EPG5: variants seen among roughly 807,000 people sequenced by gnomAD.
The protein encoded by EPG5 is ectopic P-granules 5 autophagy tethering factor.
A neutral mutation model predicts 302.7 loss-of-function variants in EPG5; 159 were observed. The observed-to-expected ratio is 0.53, with a 90% CI of 0.46 to 0.60. EPG5 has a LOEUF of 0.60. Ranked by LOEUF, EPG5 falls within the 20% of genes least tolerant of loss-of-function variation. EPG5 has a pLI of 0.00. For synonymous variants in EPG5, 1,158 were observed against 1,136.8 expected (o/e 1.02, Z -0.37); for missense variants, 2,896 against 3,092.4 (o/e 0.94, Z 1.51).
rs565743896 is a variant in EPG5 at position 45,954,816 on chromosome 18, C to T, written c.586G>A (p.Gly196Ser). 1.5e-4 allele frequency: 245 copies of T among 1,614,184 alleles called. 3 individuals carry two copies. In the South Asian group the frequency reaches 2.6e-3, roughly 17 times the overall value. Residue 196 changes from glycine to serine, a missense_variant, in exon 2 of 44, where the codon GGC becomes AGC. Transcript: ENST00000282041. ...TTGGCTGGGCAAGAACTCTGCAAGC[C>T]AACATTCTGTGGCACCTCTGAAGAA... ...VCSSEVPQNV[G>S]LQSSCPAKHG...
At chr18:45,827,717 G>A in the EPG5 span, among the ~76,000 whole-genome samples, 4 of 152,330 alleles carry the variant, frequency 2.6e-5, no homozygotes, top group African/African-American at 9.6e-5. Context: ...GTGGCCGCAC[G>A]ATAAATAATG....
At chr18:45,958,759 A>G (rs1264522234) in intron 1 of EPG5, among the ~76,000 whole-genome samples, 1 of 152,264 alleles carries the variant, frequency 6.6e-6, no homozygotes, top group Non-Finnish European at 1.5e-5. Context: ...GCCTTCTTAC[A>G]TATGGCACCA....
chr18:45,937,670 G>A (rs559420933), intron 10 of EPG5, among the ~76,000 whole-genome samples: 12 of 151,762 alleles, frequency 7.9e-5, no homozygotes, highest in African/African-American at 2.9e-4. Context: ...GCCTACCAAA[G>A]TGCTGGGATT....
At chr18:45,854,381 G>A (rs2048472029) in intron 43 of EPG5, among the ~76,000 whole-genome samples, 1 of 152,218 alleles carries the variant, frequency 6.6e-6, no homozygotes, top group South Asian at 2.1e-4. Context: ...CCCAGCAGAG[G>A]AGCTAAGGTG....
the EPG5 span, among the ~76,000 whole-genome samples, chr18:45,836,653 CA>C: frequency 1.3e-5 from 2 of 152,208 alleles, no homozygotes; most frequent in African/African-American, 4.8e-5. Flanking sequence ...TTGCACAGAG[CA>C]AGGAGGCAGT....
downstream of EPG5, chr18:45,843,673 G>A (rs1027613983): frequency 6.6e-6 from 1 of 152,262 alleles, no homozygotes. Flanking sequence ...GAGGTCAGGA[G>A]TTCGAGACCA....
At position 45,849,500 on chromosome 18, in the gene EPG5, TA is replaced by T. The variant is rs1367075383; in HGVS notation, c.*2966del. 3.3e-5 allele frequency: 5 copies of T among 152,326 alleles called. No homozygotes were observed. In the East Asian group the frequency reaches 9.6e-4, roughly 29 times the overall value. The allele number at this position is 152,326 out of a possible 1,614,324, so 9.4% of individuals were successfully genotyped here. On this transcript the variant is annotated 3_prime_UTR_variant, in exon 44 of 44. Transcript: ENST00000282041. The stretch of plus-strand genomic sequence containing the variant: ...GCTCCAGAAGAAAGAATTTCAGGAA[TA>T]AAAACTCAGTGAAAAAGTATATATC...
the EPG5 span, among the ~76,000 whole-genome samples, chr18:45,804,983 T>C: frequency 0.017 from 2,661 of 152,254 alleles, 82 homozygotes; most frequent in African/African-American, 0.061. Context: ...AAGGTTTGCA[T>C]ATTTTATGCA....
chr18:45,909,381 G>C (rs1283373488), intron 23 of EPG5, among the ~76,000 whole-genome samples: 1 of 152,178 alleles, frequency 6.6e-6, no homozygotes, highest in Non-Finnish European at 1.5e-5. Flanking sequence ...TTAAAAATAA[G>C]TTCTCCTTCA....
the EPG5 span, chr18:45,837,620 G>A: frequency 1.3e-6 from 2 of 1,508,848 alleles, no homozygotes; most frequent in East Asian, 5.3e-5. Flanking sequence ...CCGCCACTAC[G>A]ACGGGCCGCT....
At chr18:45,945,632 C>A (rs373620968) in intron 7 of EPG5, among the ~76,000 whole-genome samples, 2 of 152,040 alleles carry the variant, frequency 1.3e-5, no homozygotes, top group African/African-American at 2.4e-5. Flanking sequence ...ATGCAGGAAA[C>A]CTACCAGAAA....
intron 1 of EPG5, among the ~76,000 whole-genome samples, chr18:45,962,100 T>C (rs957270882): frequency 2.6e-5 from 4 of 152,178 alleles, no homozygotes; most frequent in Non-Finnish European, 2.9e-5. Flanking sequence ...GTGCCTAGAA[T>C]AGTTTTCGGA....
At chr18:45,966,040 G>C (rs954616137) in intron 1 of EPG5, among the ~76,000 whole-genome samples, 2 of 149,992 alleles carry the variant, frequency 1.3e-5, no homozygotes, top group Non-Finnish European at 3.0e-5. Context: ...CAGCCTGGAC[G>C]ACAGAGCGAG....
At chr18:45,814,375 T>C in the EPG5 span, among the ~76,000 whole-genome samples, 2 of 152,174 alleles carry the variant, frequency 1.3e-5, no homozygotes, top group African/African-American at 4.8e-5. Flanking sequence ...TAAAGAAGAC[T>C]AAAGAGACTA....
At chr18:45,898,345 G>A (rs533773649) in intron 27 of EPG5, among the ~76,000 whole-genome samples, 59 of 152,354 alleles carry the variant, frequency 3.9e-4, no homozygotes, top group Admixed American at 5.9e-4. Context: ...CCTGAGAAAT[G>A]AAGATAATAT....
chr18:45,885,400 TG>T (rs2049195867), intron 29 of EPG5, among the ~76,000 whole-genome samples: 1 of 152,122 alleles, frequency 6.6e-6, no homozygotes, highest in African/African-American at 2.4e-5. Context: ...ATTAAAATAT[TG>T]GGGTACTTTG....
Position 45,874,365 on chromosome 18 carries a change from A to G in EPG5, c.6049+1871T>C, listed in dbSNP as rs543762670. On this transcript the variant is annotated intron_variant, in intron 35 of 43. Coordinates refer to ENST00000282041, the MANE Select transcript of EPG5 (RefSeq NM_020964.3). Reference sequence around the variant, plus strand: ...TAAACAAAAAATAAAATCTATTACAAAAAAAAAACAAAACTGGATGACATA... The same window carrying G: ...TAAACAAAAAATAAAATCTATTACAGAAAAAAAACAAAACTGGATGACATA... Among the ~76,000 whole-genome samples the G allele has an allele frequency of 7.3e-5, 11 of 150,980 alleles. 1 individual carries two copies. The East Asian group carries it at 2.2e-3, about 30-fold the overall frequency.
Position 45,880,139 on chromosome 18 carries a change from C to T in EPG5, c.5603G>A (p.Gly1868Glu), listed in dbSNP as rs751998000. The T allele has an allele frequency of 2.5e-6, 4 of 1,611,144 alleles. No homozygotes were observed. The South Asian group carries it at 4.4e-5, about 18-fold the overall frequency. The stretch of plus-strand genomic sequence containing the variant: ...CACGGCGCCCTCGGTGGACGCTGCC[C>T]CCTGCTGGCAGCTGGGGGCGCAGCA... ...LGCCAPSCQQ[G>E]AASTEGAVLP... The change falls in exon 32 of 44, where the codon GGG becomes GAG. Residue 1868 changes from glycine (G) to glutamate (E), a missense_variant. Physicochemically the swap from Gly to Glu is moderately conservative, Grantham distance 98. Coordinates refer to ENST00000282041, the MANE Select transcript of EPG5 (RefSeq NM_020964.3).
the EPG5 span, among the ~76,000 whole-genome samples, chr18:45,821,774 A>C: frequency 6.6e-6 from 1 of 152,212 alleles, no homozygotes; most frequent in African/African-American, 2.4e-5. Context: ...CAAAACAAAC[A>C]ATGCAATTAA....
Sources: allele counts gnomAD v4.1 joint callset (sites outside exome capture counted in the v4.1 genomes callset), GRCh38; gene constraint gnomAD v4.1.1; transcripts MANE v1.5; gene names NCBI Gene and HGNC (gene_info 2026-07-23, HGNC 2026-07-21).